The following XAB2 variants were observed in gnomAD, a reference collection of about 807,000 sequenced individuals.
XAB2 encodes XPA binding protein 2.
XAB2 carries 57 observed loss-of-function variants against 113.4 expected under a neutral mutation model. The ratio of observed to expected loss-of-function variants is 0.50; its 90% CI spans 0.41 to 0.63. The LOEUF (loss-of-function observed/expected upper bound fraction) is 0.63, where lower values mean the gene tolerates loss of function less well. Ranked by LOEUF, XAB2 falls within the 20% of genes least tolerant of loss-of-function variation. The pLI is 0.00. For synonymous variants in XAB2, 497 were observed against 498.8 expected, an observed-to-expected ratio of 1.00 and a Z score of 0.05; for missense variants, 1,037 against 1,233.3, an observed-to-expected ratio of 0.84 and a Z score of 2.38.
In XAB2 at chr19:7,622,972, A is replaced by G. The variant is rs1351030516; in HGVS notation, c.1240-79T>C. On this transcript the variant is annotated intron_variant, in intron 9 of 18. Coordinates refer to ENST00000358368, the MANE Select transcript of XAB2 (RefSeq NM_020196.3). Reference sequence around the variant, plus strand: ...ACCATCAAGGGTCAGAAAGGTGACCATGCTCACAAACATACAGGCACAAAC... The same window carrying G: ...ACCATCAAGGGTCAGAAAGGTGACCGTGCTCACAAACATACAGGCACAAAC... 8.9e-6 allele frequency: 14 copies of G among 1,572,384 alleles called. 1 individual carries two copies. Among genetic ancestry groups the G allele is most frequent in the African/African-American group, 8.1e-5 (6 of 74,130 alleles).
rs749535341 is a variant in XAB2 at position 7,622,339 on chromosome 19, T to G, written c.1609A>C (p.Ser537Arg). The change falls in exon 12 of 19, where the codon AGC becomes CGC. Residue 537 changes from serine (S) to arginine (R), a missense_variant. Ser to Arg is a moderately radical substitution (Grantham distance 110). Coordinates refer to ENST00000358368, the MANE Select transcript of XAB2 (RefSeq NM_020196.3). Reference sequence around the variant, plus strand: ...CCACCCTAGCCCCTCACCTTGAAGCTCTCCTCGAAGTACTTGTGCTCCTCC... The same window carrying G: ...CCACCCTAGCCCCTCACCTTGAAGCGCTCCTCGAAGTACTTGTGCTCCTCC... ...FLEEHKYFEE[S>R]FKAYERGISL... 1.2e-6 allele frequency: 2 copies of G among 1,614,074 alleles called. No homozygotes were observed. Among genetic ancestry groups the G allele is most frequent in the Admixed American group, 3.3e-5 (2 of 60,024 alleles).
Position 7,627,892 on chromosome 19 carries a change from A to G in XAB2, c.201-41T>C. Reference sequence around the variant, plus strand: ...GGACAGATGCTGATCGGTCAGCTTTATGGACACCCCCAGAACCATTTGCCC... The same window carrying G: ...GGACAGATGCTGATCGGTCAGCTTTGTGGACACCCCCAGAACCATTTGCCC... On this transcript the variant is annotated intron_variant, in intron 2 of 18. Coordinates refer to ENST00000358368, the MANE Select transcript of XAB2 (RefSeq NM_020196.3). The surrounding 1 kb of genome is among the most constrained non-coding windows in gnomAD (Gnocchi z 4.5). 3 of 1,597,550 alleles carry G rather than the reference A, an allele frequency of 1.9e-6. No homozygotes were observed. Among genetic ancestry groups the G allele is most frequent in the Non-Finnish European group, 2.6e-6 (3 of 1,167,632 alleles).
chr19:7,628,404 A>T lies in XAB2; in HGVS notation c.52-106T>A, dbSNP rs2031188471. On this transcript the variant is annotated intron_variant, in intron 1 of 18. Transcript: ENST00000358368. This position sits in a 1 kb window ranked among gnomAD's most constrained non-coding sequence, Gnocchi z 4.6. ...GTCCAAACTCCGGACTTTTACCTAGATCCCACCACCCACCAAGGAAGTCAG... is the reference window on the plus strand; with the variant it reads ...GTCCAAACTCCGGACTTTTACCTAGTTCCCACCACCCACCAAGGAAGTCAG... The T allele has an allele frequency of 2.9e-6, 4 of 1,402,954 alleles. No individual in the cohort carries two copies. The South Asian group carries it at 5.1e-5, about 18-fold the overall frequency. 86.9% of individuals were successfully genotyped at this position (1,402,954 alleles called of 1,614,324 possible).
rs1304347185 is a variant in XAB2, at chr19:7,620,313, G to A, written c.2228C>T (p.Ser743Leu). The A allele has an allele frequency of 9.3e-6, 15 of 1,613,702 alleles. No individual in the cohort carries two copies. The highest frequency in any genetic ancestry group is 5.9e-6 in the Non-Finnish European group (7 of 1,180,018). Residue 743 changes from serine to leucine, a missense_variant, in exon 16 of 19, where the codon TCG (serine) becomes TTG (leucine). Coordinates refer to ENST00000358368, the MANE Select transcript of XAB2 (RefSeq NM_020196.3). The stretch of plus-strand genomic sequence containing the variant: ...ACTGCCCGAGACCTTGAGCATCTGC[G>A]AGGCCATGAAGTTGACCTGCGTGTT... ...TYNTQVNFMASQMLKVSGSAT... is the reference protein window; with the variant it reads ...TYNTQVNFMALQMLKVSGSAT...
chr19:7,624,238 C>A lies in XAB2; in HGVS notation c.967+63G>T. 6.2e-7 allele frequency: 1 copy of A among 1,601,298 alleles called. No individual in the cohort carries two copies. The highest frequency in any genetic ancestry group is 1.1e-5 in the South Asian group (1 of 90,950). On this transcript the variant is annotated intron_variant, in intron 7 of 18. Coordinates refer to ENST00000358368, the MANE Select transcript of XAB2 (RefSeq NM_020196.3). This position sits in a 1 kb window ranked among gnomAD's most constrained non-coding sequence, Gnocchi z 4.2. ...AGGGCTGCCTCACCTGAGATGTGTC[C>A]CGCCCCTACCGCTAATGTCCACTCA... is the stretch of plus-strand genomic sequence containing the variant.
Sources: allele counts gnomAD v4.1 joint callset, GRCh38; gene constraint gnomAD v4.1.1; non-coding constraint Gnocchi (gnomAD v3.1); transcripts MANE v1.5; gene names NCBI Gene and HGNC (gene_info 2026-07-23, HGNC 2026-07-21).